The following LPP variants were observed in gnomAD, a reference collection of about 807,000 sequenced individuals.
LPP encodes the protein lipoma-preferred partner.
LPP carries 38 observed loss-of-function variants against 60.4 expected under a neutral mutation model. That is an observed-to-expected ratio of 0.63 (90% CI 0.49 to 0.83). LPP has a LOEUF of 0.83. Among genes scored for constraint, LPP ranks in the 40% least tolerant of loss-of-function variants. The pLI, the probability that LPP is intolerant of heterozygous loss-of-function variation, is 0.00. For missense variants in LPP, 902 were observed against 783.6 expected (o/e 1.15, Z -1.80); for synonymous variants, 328 against 290.8 (o/e 1.13, Z -1.30).
chr3:188,547,676 C>T (rs1435458993), intron 6 of LPP, among the ~76,000 whole-genome samples: 1 of 152,140 alleles, frequency 6.6e-6, no homozygotes, highest in Non-Finnish European at 1.5e-5. Flanking sequence ...GAAATGACTG[C>T]TCTTAATTTT....
At chr3:188,463,700 T>A (rs1799688571) in intron 4 of LPP, among the ~76,000 whole-genome samples, 1 of 152,220 alleles carries the variant, frequency 6.6e-6, no homozygotes. Context: ...TGATATTTAG[T>A]CATGCTAGGA....
At position 188,461,324 on chromosome 3, in the gene LPP, T is replaced by A. The variant is rs1293005139; in HGVS notation, c.194-23268T>A. 3.3e-5 allele frequency among the ~76,000 whole-genome samples: 5 copies of A among 152,134 alleles called. No individual in the cohort carries two copies. In the East Asian group the frequency reaches 9.6e-4, roughly 29 times the overall value. ...CTAGACATCTTACTTCCCATAGTCT[T>A]TTAAAAAATAAAATTAAAAGGCAAT... On this transcript the variant is annotated intron_variant, in intron 4 of 11. Coordinates refer to ENST00000617246, the MANE Select transcript of LPP (RefSeq NM_001375462.1).
intron 2 of LPP, among the ~76,000 whole-genome samples, chr3:188,261,589 A>G (rs1442251303): frequency 6.6e-6 from 1 of 152,180 alleles, no homozygotes; most frequent in Non-Finnish European, 1.5e-5. Context: ...TAAATCATAT[A>G]TAGCTTCATG....
At chr3:188,154,754 C>T (rs1311429554) in intron 1 of LPP, among the ~76,000 whole-genome samples, 1 of 152,216 alleles carries the variant, frequency 6.6e-6, no homozygotes, top group South Asian at 2.1e-4. Flanking sequence ...CTCTAGCACC[C>T]TGTGTGTGGC....
chr3:188,342,756 A>T (rs908857596), intron 3 of LPP, among the ~76,000 whole-genome samples: 1 of 152,120 alleles, frequency 6.6e-6, no homozygotes, highest in African/African-American at 2.4e-5. Flanking sequence ...TAGAATTGAG[A>T]GGAAATTAAG....
At chr3:188,559,316 G>A (rs917177834) in intron 6 of LPP, among the ~76,000 whole-genome samples, 3 of 152,008 alleles carry the variant, frequency 2.0e-5, no homozygotes, top group Non-Finnish European at 4.4e-5. Context: ...CTCAATGATG[G>A]TGAAAATTGG....
At chr3:188,670,049 A>G (rs1313627109) in intron 7 of LPP, among the ~76,000 whole-genome samples, 1 of 152,212 alleles carries the variant, frequency 6.6e-6, no homozygotes, top group East Asian at 1.9e-4. Flanking sequence ...TGGGAATTGA[A>G]CAATGAGAAC....
intron 3 of LPP, among the ~76,000 whole-genome samples, chr3:188,392,406 G>A (rs551154992): frequency 6.6e-6 from 1 of 152,054 alleles, no homozygotes; most frequent in East Asian, 1.9e-4. Context: ...TCTTAAAAAA[G>A]CTTGCCTACC....
chr3:188,733,493 G>T (rs1329738666), intron 8 of LPP, among the ~76,000 whole-genome samples: 1 of 151,938 alleles, frequency 6.6e-6, no homozygotes, highest in Non-Finnish European at 1.5e-5. Context: ...CTCTAACATG[G>T]TACTCTCTCT....
At chr3:188,613,033 A>AC (rs1320762218) in intron 7 of LPP, among the ~76,000 whole-genome samples, 1 of 152,172 alleles carries the variant, frequency 6.6e-6, no homozygotes, top group Admixed American at 6.5e-5. Flanking sequence ...TTTGCATGCT[A>AC]CAGTGGGCCA....
intron 4 of LPP, among the ~76,000 whole-genome samples, chr3:188,407,516 C>A (rs763508903): frequency 3.3e-5 from 5 of 152,180 alleles, no homozygotes; most frequent in Non-Finnish European, 7.3e-5. Context: ...AGTACAAGAA[C>A]GAGACCCTCA....
chr3:188,219,392 G>A (rs1001840089), intron 1 of LPP, among the ~76,000 whole-genome samples: 7 of 152,156 alleles, frequency 4.6e-5, no homozygotes, highest in South Asian at 2.1e-4. Flanking sequence ...AATGAGTCAC[G>A]GAGGCTCTTA....
intron 7 of LPP, among the ~76,000 whole-genome samples, chr3:188,611,023 A>C (rs931018721): frequency 1.3e-5 from 2 of 152,202 alleles, no homozygotes; most frequent in Admixed American, 6.5e-5. Flanking sequence ...ATCTATTCAC[A>C]TATTCAACAT....
chr3:188,529,652 C>G (rs963010084), intron 6 of LPP, among the ~76,000 whole-genome samples: 9 of 152,206 alleles, frequency 5.9e-5, no homozygotes, highest in Admixed American at 3.9e-4. Context: ...GTTATGTTCA[C>G]TTACTAATCC....
chr3:188,458,608 C>T (rs2149409478), intron 4 of LPP, among the ~76,000 whole-genome samples: 1 of 152,326 alleles, frequency 6.6e-6, no homozygotes, highest in East Asian at 1.9e-4. Context: ...TTCACCTATA[C>T]ACCTATTCCT....
intron 6 of LPP, among the ~76,000 whole-genome samples, chr3:188,535,756 T>C (rs1276639439): frequency 1.3e-5 from 2 of 152,326 alleles, no homozygotes; most frequent in East Asian, 3.9e-4. Context: ...TATAATTCAA[T>C]ATTATATCAA....
chr3:188,818,619 A>G (rs1173803164), intron 9 of LPP, among the ~76,000 whole-genome samples: 1 of 152,174 alleles, frequency 6.6e-6, no homozygotes, highest in Non-Finnish European at 1.5e-5. Flanking sequence ...TGTGAGATTG[A>G]GAGGCAGCTT....
At position 188,760,216 on chromosome 3, in the gene LPP, C is replaced by G; in HGVS notation, c.1344C>G (p.Asn448Lys). ...ATTGTTTTACCTGCATCATCTGCAACAACAAGCTCCGAGGGCAGCCATTCT... is the reference window on the plus strand; with the variant it reads ...ATTGTTTTACCTGCATCATCTGCAAGAACAAGCTCCGAGGGCAGCCATTCT... ...HVDCFTCIIC[N>K]NKLRGQPFYA... The change falls in exon 9 of 12, where the codon AAC becomes AAG. Residue 448 changes from asparagine to lysine, a missense_variant. Coordinates refer to ENST00000617246, the MANE Select transcript of LPP (RefSeq NM_001375462.1). The G allele has an allele frequency of 6.2e-7, 1 of 1,614,152 alleles. No homozygotes were observed. The highest frequency in any genetic ancestry group is 8.5e-7 in the Non-Finnish European group (1 of 1,180,018).
Position 188,182,771 on chromosome 3 carries a change from G to GTATA in LPP, c.-190+28520_-190+28521insATAT. Reference sequence around the variant, plus strand: ...ACATATATGTACATATATTATATATGTGCATATATAATATATGTACATATA... The same window carrying GTATA: ...ACATATATGTACATATATTATATATGTATATGCATATATAATATATGTACATATA... On this transcript the variant is annotated intron_variant, in intron 1 of 11. Coordinates refer to ENST00000617246, the MANE Select transcript of LPP (RefSeq NM_001375462.1). The surrounding 1 kb of genome is among the most constrained non-coding windows in gnomAD (Gnocchi z 4.4). Among the ~76,000 whole-genome samples, 2 of 148,790 alleles carry GTATA rather than the reference G, an allele frequency of 1.3e-5. No homozygotes were observed. Among genetic ancestry groups the GTATA allele is most frequent in the African/African-American group, 2.5e-5 (1 of 40,340 alleles).
Sources: allele counts gnomAD v4.1 joint callset (sites outside exome capture counted in the v4.1 genomes callset), GRCh38; gene constraint gnomAD v4.1.1; non-coding constraint Gnocchi (gnomAD v3.1); transcripts MANE v1.5; gene names NCBI Gene and HGNC (gene_info 2026-07-23, HGNC 2026-07-21).